Variants in PUDP observed in about 807,000 individuals in gnomAD.
PUDP encodes pseudouridine-5'-phosphatase.
PUDP carries 8 observed loss-of-function variants against 9.4 expected under a neutral mutation model. That is an observed-to-expected ratio of 0.85 (90% CI 0.50 to 1.53). The LOEUF (loss-of-function observed/expected upper bound fraction) is 1.53. Among genes scored for constraint, PUDP ranks in the 40% most tolerant of loss-of-function variants. The pLI, the probability that PUDP is intolerant of heterozygous loss-of-function variation, is 0.00. For synonymous variants in PUDP, 99 were observed against 80.7 expected (o/e 1.23, Z -1.22); for missense variants, 188 against 189.7 (o/e 0.99, Z 0.05).
chrX:6,865,497 A>G (rs1405466265), intron 3 of PUDP, among the ~76,000 whole-genome samples: 3 of 112,289 alleles, frequency 2.7e-5, no homozygotes, highest in Non-Finnish European at 5.6e-5. Flanking sequence ...AAATGTGTCA[A>G]TTTTGGGAAC....
At chrX:6,874,235 A>C (rs1426941528) in intron 3 of PUDP, among the ~76,000 whole-genome samples, 1 of 111,654 alleles carries the variant, frequency 9.0e-6, no homozygotes, top group Non-Finnish European at 1.9e-5. Context: ...GGGGGGTCTC[A>C]TTCTATTACA....
chrX:6,955,082 A>G (rs753138901), intron 3 of PUDP, among the ~76,000 whole-genome samples: 1 of 112,181 alleles, frequency 8.9e-6, no homozygotes, highest in Non-Finnish European at 1.9e-5. Context: ...AGTCAATCCT[A>G]CCAGGCTTGA....
chrX:6,879,104 A>T (rs975165154), intron 3 of PUDP, among the ~76,000 whole-genome samples: 2 of 111,902 alleles, frequency 1.8e-5, no homozygotes, highest in African/African-American at 6.5e-5. Flanking sequence ...TAAAAACTTA[A>T]GAGCATGTAA....
chrX:6,862,148 T>A (rs1927011525), intron 3 of PUDP, among the ~76,000 whole-genome samples: 1 of 111,966 alleles, frequency 8.9e-6, no homozygotes, highest in Non-Finnish European at 1.9e-5. Context: ...GTCTCCCTTT[T>A]AAGGATTCAG....
At chrX:6,783,348 C>T (rs909869473) in intron 3 of PUDP, among the ~76,000 whole-genome samples, 3 of 111,334 alleles carry the variant, frequency 2.7e-5, no homozygotes, top group East Asian at 2.8e-4. Flanking sequence ...CTCTAGCTTT[C>T]GGGAACGCCC....
chrX:6,748,979 C>T (rs1439756243), intron 3 of PUDP, among the ~76,000 whole-genome samples: 3 of 110,850 alleles, frequency 2.7e-5, no homozygotes, highest in African/African-American at 9.9e-5. Context: ...TGATGGGGAC[C>T]ATCATGTGGA....
intron 3 of PUDP, among the ~76,000 whole-genome samples, chrX:6,916,519 T>C (rs1378676397): frequency 9.1e-6 from 1 of 110,343 alleles, no homozygotes; most frequent in African/African-American, 3.3e-5. Context: ...GCTTATTAAG[T>C]TTACTAAGAG....
At chrX:7,036,399 T>A (rs1929853290) in intron 1 of PUDP, among the ~76,000 whole-genome samples, 1 of 112,077 alleles carries the variant, frequency 8.9e-6, no homozygotes, top group Non-Finnish European at 1.9e-5. Context: ...GTCTGCAGAT[T>A]CAAATTTCAT....
intron 3 of PUDP, among the ~76,000 whole-genome samples, chrX:6,894,469 T>C (rs146992286): frequency 0.049 from 5,524 of 112,118 alleles, 145 homozygotes; most frequent in East Asian, 0.15. Flanking sequence ...TCTCAATTCC[T>C]TCAGTGATGT....
intron 1 of PUDP, among the ~76,000 whole-genome samples, chrX:7,032,555 T>C (rs773963696): frequency 1.2e-4 from 13 of 112,594 alleles, no homozygotes; most frequent in African/African-American, 4.2e-4. Context: ...ATAACTATTG[T>C]TACCTGCAAC....
chrX:6,720,264 A>ATG (rs1569086960), intron 1 of PUDP, among the ~76,000 whole-genome samples: 2 of 83,139 alleles, frequency 2.4e-5, no homozygotes, highest in Non-Finnish European at 4.5e-5. Context: ...GTGTGTATAT[A>ATG]TATATATATA....
intron 1 of PUDP, among the ~76,000 whole-genome samples, chrX:6,707,359 G>T (rs1313025952): frequency 9.0e-6 from 1 of 111,530 alleles, no homozygotes; most frequent in South Asian, 3.8e-4. Context: ...GGATACAGGG[G>T]CATGATTTCA....
At chrX:7,138,125 A>T (rs1932767440) in intron 1 of PUDP, among the ~76,000 whole-genome samples, 1 of 111,804 alleles carries the variant, frequency 8.9e-6, no homozygotes. Flanking sequence ...TAATTTCTAG[A>T]TTAGAGGAAA....
chrX:7,107,284 A>C (rs1412229482), intron 1 of PUDP, among the ~76,000 whole-genome samples: 3 of 112,134 alleles, frequency 2.7e-5, no homozygotes, highest in Non-Finnish European at 3.8e-5. Context: ...CTGTCCCACA[A>C]TGACATAAAC....
At chrX:6,872,797 G>A (rs1437659873) in intron 3 of PUDP, among the ~76,000 whole-genome samples, 2 of 109,733 alleles carry the variant, frequency 1.8e-5, no homozygotes, top group South Asian at 7.9e-4. Context: ...GATGGGGGAA[G>A]GTAAAATTCA....
At chrX:6,965,742 A>T (rs755329110) in intron 3 of PUDP, among the ~76,000 whole-genome samples, 6 of 112,267 alleles carry the variant, frequency 5.3e-5, no homozygotes, top group Admixed American at 4.8e-4. Context: ...GATTATGTCA[A>T]TCGGATATCT....
At chrX:7,068,320 A>G (rs971076135) in intron 3 of PUDP, among the ~76,000 whole-genome samples, 1 of 112,322 alleles carries the variant, frequency 8.9e-6, no homozygotes, top group Non-Finnish European at 1.9e-5. Flanking sequence ...AAGGTTCAAT[A>G]AAAGCTTACA....
chrX:7,090,872 A>G (rs770180188), intron 2 of PUDP, among the ~76,000 whole-genome samples: 2 of 112,271 alleles, frequency 1.8e-5, no homozygotes, highest in Non-Finnish European at 3.8e-5. Context: ...GCTCCCCGCC[A>G]TGTGACAAAG....
intron 3 of PUDP, among the ~76,000 whole-genome samples, chrX:6,727,069 TG>T (rs748266933): frequency 1.1e-4 from 12 of 111,650 alleles, no homozygotes; most frequent in Non-Finnish European, 1.9e-4. Flanking sequence ...TATATATATT[TG>T]AAAATTTTTT....
Sources: gnomAD v4.1 joint callset for allele counts (sites outside exome capture counted in the v4.1 genomes callset) on GRCh38, gnomAD v4.1.1 for gene constraint, MANE v1.5 for transcripts, NCBI Gene and HGNC (gene_info 2026-07-23, HGNC 2026-07-21) for gene names.